Variants in ST3GAL3 observed in about 807,000 individuals in gnomAD.
ST3GAL3 encodes the protein ST3 beta-galactoside alpha-2,3-sialyltransferase 3.
ST3GAL3 carries 21 observed loss-of-function variants against 50.1 expected under a neutral mutation model. The ratio of observed to expected loss-of-function variants is 0.42; its 90% CI spans 0.30 to 0.60. The LOEUF is 0.60. Among genes scored for constraint, ST3GAL3 ranks in the 20% least tolerant of loss-of-function variants. The pLI, the probability that ST3GAL3 is intolerant of heterozygous loss-of-function variation, is 0.19. For synonymous variants in ST3GAL3, 183 were observed against 190.0 expected (o/e 0.96, Z 0.30); for missense variants, 353 against 489.4 (o/e 0.72, Z 2.63).
At chr1:43,887,042 AG>A (rs1359691125) in intron 5 of ST3GAL3, among the ~76,000 whole-genome samples, 1 of 152,212 alleles carries the variant, frequency 6.6e-6, no homozygotes, top group Non-Finnish European at 1.5e-5. Context: ...CCAGAAGCTG[AG>A]GGAGTACCTA....
chr1:43,800,349 A>G (rs2059174799), intron 3 of ST3GAL3, among the ~76,000 whole-genome samples: 1 of 152,070 alleles, frequency 6.6e-6, no homozygotes, highest in African/African-American at 2.4e-5. Context: ...GTTGTGGTTT[A>G]TTTCCCTGAC....
At chr1:43,780,772 G>A (rs1230390081) in intron 2 of ST3GAL3, among the ~76,000 whole-genome samples, 1 of 151,506 alleles carries the variant, frequency 6.6e-6, no homozygotes, top group Non-Finnish European at 1.5e-5. Context: ...CCTGTTTCAC[G>A]AATAACATTT....
At chr1:43,929,936 G>C in intron 11 of ST3GAL3, 196 bp from the exon 12 acceptor site, 1 of 739,022 alleles carries the variant, frequency 1.4e-6, no homozygotes, top group Non-Finnish European at 2.5e-6. Context: ...GTCTTGGGAA[G>C]GGAGGAGGAT....
intron 1 of ST3GAL3, among the ~76,000 whole-genome samples, chr1:43,725,353 A>G (rs1183183906): frequency 1.3e-5 from 2 of 152,056 alleles, no homozygotes; most frequent in Admixed American, 6.6e-5. Context: ...ATAGGCATGC[A>G]CCATCACGCC....
At position 43,851,741 on chromosome 1, in the gene ST3GAL3, G is replaced by A. The variant is rs2067345337; in HGVS notation, c.302+13430G>A. The A allele has an allele frequency of 4.0e-6, 4 of 996,650 alleles. No homozygotes were observed. In the Admixed American group the frequency reaches 7.5e-5, roughly 19 times the overall value. The allele number at this position is 996,650 out of a possible 1,614,324, so 61.7% of individuals were successfully genotyped here. On this transcript the variant is annotated intron_variant, in intron 5 of 11. Coordinates refer to ENST00000347631, the MANE Select transcript of ST3GAL3 (RefSeq NM_006279.5). Reference sequence around the variant, plus strand: ...GTTGACTGGCATTGCTATTGCATGGGTCCGAAGCTGCCGGAACACAGCCCC... The same window carrying A: ...GTTGACTGGCATTGCTATTGCATGGATCCGAAGCTGCCGGAACACAGCCCC...
intron 5 of ST3GAL3, among the ~76,000 whole-genome samples, chr1:43,889,340 T>C (rs947161928): frequency 6.6e-6 from 1 of 152,188 alleles, no homozygotes; most frequent in Non-Finnish European, 1.5e-5. Context: ...GCTAGACTTC[T>C]TTGAATGTAT....
intron 2 of ST3GAL3, among the ~76,000 whole-genome samples, chr1:43,774,888 G>A (rs904278850): frequency 6.6e-6 from 1 of 152,094 alleles, no homozygotes; most frequent in Non-Finnish European, 1.5e-5. Context: ...ATCTAGACAG[G>A]GAAACCAACA....
chr1:43,851,621 T>A, intron 5 of ST3GAL3: 2 of 1,296,386 alleles, frequency 1.5e-6, no homozygotes, highest in Non-Finnish European at 2.2e-6. Flanking sequence ...GGTACTCTCC[T>A]TAATGATGTT....
intron 2 of ST3GAL3, among the ~76,000 whole-genome samples, 162 bp from the exon 3 acceptor site, chr1:43,791,940 G>A (rs2058131750): frequency 1.3e-5 from 2 of 152,220 alleles, no homozygotes; most frequent in African/African-American, 4.8e-5. Context: ...AGGGTCTCCT[G>A]GCTCAGTGGA....
At chr1:43,919,989 G>A (rs1483414611) in intron 9 of ST3GAL3, 3 of 342,798 alleles carry the variant, frequency 8.8e-6, no homozygotes, top group Admixed American at 7.8e-5. Flanking sequence ...GGAAGTGGGA[G>A]CACAGGAGGG....
chr1:43,742,520 A>T (rs1681405999), intron 2 of ST3GAL3, among the ~76,000 whole-genome samples: 1 of 152,226 alleles, frequency 6.6e-6, no homozygotes, highest in South Asian at 2.1e-4. Context: ...AACAGTATTC[A>T]TAGTTTTTAT....
Position 43,890,338 on chromosome 1 carries a change from G to A in ST3GAL3, c.303-4045G>A, listed in dbSNP as rs2076528065. 2.6e-5 allele frequency among the ~76,000 whole-genome samples: 4 copies of A among 152,146 alleles called. No individual in the cohort carries two copies. The South Asian group carries it at 8.3e-4, about 32-fold the overall frequency. ...CCATGATTGAAAATTGCTGAATCTGGGTGATGGGGGTGGCATGGTTGACAG... is the reference window on the plus strand; with the variant it reads ...CCATGATTGAAAATTGCTGAATCTGAGTGATGGGGGTGGCATGGTTGACAG... On this transcript the variant is annotated intron_variant, in intron 5 of 11. Transcript: ENST00000347631.
chr1:43,898,133 C>T, intron 6 of ST3GAL3, 102 bp from the exon 7 acceptor site: 2 of 1,277,640 alleles, frequency 1.6e-6, no homozygotes, highest in East Asian at 2.3e-5. Context: ...TCCACTTTCA[C>T]TCTAGCCCCT....
At chr1:43,805,161 A>G (rs2059730838) in intron 3 of ST3GAL3, among the ~76,000 whole-genome samples, 1 of 152,194 alleles carries the variant, frequency 6.6e-6, no homozygotes, top group Non-Finnish European at 1.5e-5. Context: ...CACAGAATCC[A>G]ATTGGAAGCT....
intron 3 of ST3GAL3, among the ~76,000 whole-genome samples, chr1:43,798,944 A>C (rs1392390492): frequency 6.6e-6 from 1 of 152,236 alleles, no homozygotes. Flanking sequence ...CTTGAGGTCA[A>C]ATAAATAATG....
At chr1:43,894,181 C>A in intron 5 of ST3GAL3, 1 of 630,266 alleles carries the variant, frequency 1.6e-6, no homozygotes, top group South Asian at 1.7e-5. Flanking sequence ...ACCAGGCCTA[C>A]TCCCTCAGAC....
intron 9 of ST3GAL3, among the ~76,000 whole-genome samples, chr1:43,904,351 C>T (rs2078785475): frequency 1.3e-5 from 2 of 152,206 alleles, no homozygotes; most frequent in African/African-American, 4.8e-5. Flanking sequence ...CTGGGAGACT[C>T]AGTGCAGGCC....
rs541009180 is a variant in ST3GAL3, at chr1:43,773,559, GGATA to G, written c.119-18531_119-18528del. Among the ~76,000 whole-genome samples, 20 of 152,224 alleles carry G rather than the reference GGATA, an allele frequency of 1.3e-4. No homozygotes were observed. The East Asian group carries it at 2.3e-3, about 18-fold the overall frequency. On this transcript the variant is annotated intron_variant, in intron 2 of 11. Coordinates refer to ENST00000347631, the MANE Select transcript of ST3GAL3 (RefSeq NM_006279.5). ...CCACATTTGTCCTATCTTTGTAGATGGATAGATAGATAGATGATAGACAGATAGG... is the reference window on the plus strand; with the variant it reads ...CCACATTTGTCCTATCTTTGTAGATGGATAGATAGATGATAGACAGATAGG...
chr1:43,772,166 C>G, intron 2 of ST3GAL3: 1 of 396,556 alleles, frequency 2.5e-6, no homozygotes, highest in Non-Finnish European at 4.4e-6. Flanking sequence ...TCTCCTGCCT[C>G]AGCCTCCCCA....
Sources: gnomAD v4.1 joint callset for allele counts (sites outside exome capture counted in the v4.1 genomes callset) on GRCh38, gnomAD v4.1.1 for gene constraint, MANE v1.5 for transcripts, NCBI Gene and HGNC (gene_info 2026-07-23, HGNC 2026-07-21) for gene names.